The following PLPPR4 variants were observed in gnomAD, a reference collection of about 807,000 sequenced individuals.
The protein encoded by PLPPR4 is phospholipid phosphatase related 4, also known as phospholipid phosphatase-related protein type 4.
PLPPR4 carries 24 observed loss-of-function variants against 56.6 expected under a neutral mutation model. The ratio of observed to expected loss-of-function variants is 0.42; its 90% CI spans 0.31 to 0.60. PLPPR4 has a LOEUF of 0.60. PLPPR4 is among the 20% of genes least tolerant of loss of function. The pLI, the probability that PLPPR4 is intolerant of heterozygous loss-of-function variation, is 0.13. For synonymous variants in PLPPR4, 326 were observed against 328.1 expected, an observed-to-expected ratio of 0.99 and a Z score of 0.07; for missense variants, 654 against 885.8, an observed-to-expected ratio of 0.74 and a Z score of 3.32.
intron 4 of PLPPR4, among the ~76,000 whole-genome samples, chr1:99,300,298 T>C (rs1659852917): frequency 6.6e-6 from 1 of 152,024 alleles, no homozygotes; most frequent in Non-Finnish European, 1.5e-5. Flanking sequence ...TTCACTATCT[T>C]TGCCTGCTCT....
chr1:99,299,507 G>A (rs1388870597), intron 4 of PLPPR4, among the ~76,000 whole-genome samples: 1 of 151,838 alleles, frequency 6.6e-6, no homozygotes. Flanking sequence ...TACTCATTAT[G>A]GTTTTAGGTT....
rs1437596218 is a variant in PLPPR4, at chr1:99,305,691, T to C, written c.829T>C (p.Tyr277His). 6 of 1,612,314 alleles carry C rather than the reference T, an allele frequency of 3.7e-6. No homozygotes were observed. The highest frequency in any genetic ancestry group is 5.1e-6 in the Non-Finnish European group (6 of 1,179,242). The change falls in exon 7 of 7, where the codon TAT becomes CAT. Residue 277 changes from tyrosine to histidine, a missense_variant. Tyr to His is a moderately conservative substitution (Grantham distance 83). Around this residue, in one of 2 missense-constraint regions of PLPPR4, gnomAD observed 468 missense variants for 554.3 expected, o/e 0.84. Coordinates refer to ENST00000370185, the MANE Select transcript of PLPPR4 (RefSeq NM_014839.5). ...GGGIALYLGLYAVGNFLPSDE... is the reference protein window; with the variant it reads ...GGGIALYLGLHAVGNFLPSDE... ...GCTTTCTCTCAAACACTAGGGCTTGTATGCTGTGGGGAATTTCCTGCCCAG... is the reference window on the plus strand; with the variant it reads ...GCTTTCTCTCAAACACTAGGGCTTGCATGCTGTGGGGAATTTCCTGCCCAG...
chr1:99,263,417 C>A (rs1388214564), upstream of PLPPR4, among the ~76,000 whole-genome samples: 1 of 151,996 alleles, frequency 6.6e-6, no homozygotes, highest in Non-Finnish European at 1.5e-5. Context: ...TAGGATGGTC[C>A]CATACTGCCA....
intron 1 of PLPPR4, among the ~76,000 whole-genome samples, chr1:99,273,071 A>C (rs563535152): frequency 1.3e-5 from 2 of 152,130 alleles, no homozygotes; most frequent in Non-Finnish European, 2.9e-5. Context: ...TATCGAATGG[A>C]GTAATCTTTT....
chr1:99,286,877 A>T (rs372935950), intron 1 of PLPPR4, among the ~76,000 whole-genome samples: 38 of 152,336 alleles, frequency 2.5e-4, no homozygotes, highest in African/African-American at 8.9e-4. Context: ...CACTAGACTG[A>T]TGCGATCTGA....
At chr1:99,276,743 G>A (rs1659194304) in intron 1 of PLPPR4, among the ~76,000 whole-genome samples, 1 of 152,128 alleles carries the variant, frequency 6.6e-6, no homozygotes, top group Non-Finnish European at 1.5e-5. Flanking sequence ...AAGTACTGAT[G>A]CTAATGGGAA....
At chr1:99,299,253 C>T in intron 4 of PLPPR4, 23 bp downstream of exon 4, 1 of 1,554,146 alleles carries the variant, frequency 6.4e-7, no homozygotes, top group Non-Finnish European at 8.9e-7. Context: ...TCTAAAAACA[C>T]TCTGCATCAT....
At chr1:99,274,866 G>A (rs1442119039) in intron 1 of PLPPR4, among the ~76,000 whole-genome samples, 3 of 152,074 alleles carry the variant, frequency 2.0e-5, no homozygotes, top group Non-Finnish European at 4.4e-5. Flanking sequence ...AGCAGTGTCT[G>A]TTCAATGCAA....
Position 99,308,380 on chromosome 1 carries a change from T to C in PLPPR4, c.*1370T>C, listed in dbSNP as rs956620815. ...AACCATTGTTGCTACCTATCCTGAA[T>C]CAAGCCTTGAGCCTAAATCAAAGCA... On this transcript the variant is annotated 3_prime_UTR_variant, in exon 7 of 7. Coordinates refer to ENST00000370185, the MANE Select transcript of PLPPR4 (RefSeq NM_014839.5). 1 of 152,248 alleles carries C rather than the reference T, an allele frequency of 6.6e-6. No homozygotes were observed. Among genetic ancestry groups the C allele is most frequent in the African/African-American group, 2.4e-5 (1 of 41,452 alleles). The allele number at this position is 152,248 out of a possible 1,614,324, so 9.4% of individuals were successfully genotyped here.
Position 99,306,912 on chromosome 1 carries a change from G to A in PLPPR4, c.2050G>A (p.Gly684Ser). Reference sequence around the variant, plus strand: ...CCGCGACTCCACCCTGCGGAGAAAGGGCAATATCATTCTAATCCCTGAAAG... The same window carrying A: ...CCGCGACTCCACCCTGCGGAGAAAGAGCAATATCATTCTAATCCCTGAAAG... ...SSRDSTLRRK[G>S]NIILIPERSN... The change falls in exon 7 of 7, where the codon GGC becomes AGC. Residue 684 changes from glycine to serine, a missense_variant. By Grantham distance (56) the Gly-to-Ser change is moderately conservative. Coordinates refer to ENST00000370185, the MANE Select transcript of PLPPR4 (RefSeq NM_014839.5). This position sits in a 1 kb window ranked among gnomAD's most constrained non-coding sequence, Gnocchi z 4.0. 1 of 1,614,058 alleles carries A rather than the reference G, an allele frequency of 6.2e-7. No individual in the cohort carries two copies. The highest frequency in any genetic ancestry group is 8.5e-7 in the Non-Finnish European group (1 of 1,179,998).
chr1:99,266,446 C>T (rs537813043), intron 1 of PLPPR4, among the ~76,000 whole-genome samples: 2 of 152,316 alleles, frequency 1.3e-5, no homozygotes, highest in South Asian at 4.1e-4. Flanking sequence ...TTTGAGGCAT[C>T]TTTAACCGGA....
Position 99,264,783 on chromosome 1 carries a change from G to C in PLPPR4, c.78+112G>C, listed in dbSNP as rs116040512. The C allele has an allele frequency of 8.1e-4, 909 of 1,125,104 alleles. 10 individuals carry two copies. In the African/African-American group the frequency reaches 0.012, roughly 15 times the overall value. The allele number at this position is 1,125,104 out of a possible 1,614,324, so 69.7% of individuals were successfully genotyped here. The stretch of plus-strand genomic sequence containing the variant: ...GAGATCCTGCCGGGCGCGCGCGGCT[G>C]TCCCCAAATGCCCGACCCTCCCCTC... On this transcript the variant is annotated intron_variant, in intron 1 of 6. Coordinates refer to ENST00000370185, the MANE Select transcript of PLPPR4 (RefSeq NM_014839.5).
intron 3 of PLPPR4, among the ~76,000 whole-genome samples, chr1:99,298,670 C>T (rs819910): frequency 0.51 from 77,479 of 151,948 alleles, 20,189 homozygotes; most frequent in East Asian, 0.62. Flanking sequence ...AACTTAAAAA[C>T]GCTAAGCAAA....
chr1:99,290,582 T>C (rs1659590691), intron 2 of PLPPR4, among the ~76,000 whole-genome samples: 2 of 152,114 alleles, frequency 1.3e-5, no homozygotes. Flanking sequence ...ATGGTACTGG[T>C]ACAAGAACAG....
chr1:99,270,916 T>C (rs1367068312), intron 1 of PLPPR4, among the ~76,000 whole-genome samples: 1 of 152,156 alleles, frequency 6.6e-6, no homozygotes, highest in East Asian at 1.9e-4. Context: ...ATAAAGTAAA[T>C]AGAGAACAGA....
chr1:99,271,162 T>C (rs1659049609), intron 1 of PLPPR4, among the ~76,000 whole-genome samples: 1 of 152,220 alleles, frequency 6.6e-6, no homozygotes, highest in Non-Finnish European at 1.5e-5. Context: ...ATAATAATCA[T>C]AGTAATAACA....
intron 3 of PLPPR4, among the ~76,000 whole-genome samples, chr1:99,298,373 A>AT (rs1162021917): frequency 6.6e-6 from 1 of 152,126 alleles, no homozygotes; most frequent in Admixed American, 6.6e-5. Flanking sequence ...AAGTGCAAGG[A>AT]TTTTTTTATT....
At chr1:99,290,118 A>G (rs1019604123) in intron 2 of PLPPR4, among the ~76,000 whole-genome samples, 1 of 152,176 alleles carries the variant, frequency 6.6e-6, no homozygotes, top group African/African-American at 2.4e-5. Flanking sequence ...ACTATTGTGC[A>G]AAAATCACTA....
intron 5 of PLPPR4, 73 bp downstream of exon 5, chr1:99,301,039 A>C (rs904974125): frequency 1.5e-6 from 2 of 1,309,914 alleles, no homozygotes; most frequent in Non-Finnish European, 2.2e-6. Flanking sequence ...TCTCCAGGTG[A>C]CTAATTGGAT....
Sources: gnomAD v4.1 joint callset for allele counts (sites outside exome capture counted in the v4.1 genomes callset) on GRCh38, gnomAD v4.1.1 for gene constraint, gnomAD v4.1.1 regional missense constraint, Gnocchi (gnomAD v3.1) non-coding constraint, MANE v1.5 for transcripts, NCBI Gene and HGNC (gene_info 2026-07-23, HGNC 2026-07-21) for gene names.